Variants in SBNO2 observed in about 807,000 individuals in gnomAD.
The protein encoded by SBNO2 is strawberry notch homolog 2.
In SBNO2, 89 loss-of-function variants were observed where a neutral mutation model predicts 146.3. That is an observed-to-expected ratio of 0.61 (90% CI 0.51 to 0.73). The LOEUF (loss-of-function observed/expected upper bound fraction) is 0.73. SBNO2 is among the 30% of genes least tolerant of loss of function. The pLI is 0.00. For synonymous variants in SBNO2, 1,147 were observed against 892.6 expected (o/e 1.29, Z -5.08); for missense variants, 2,092 against 2,003.7 (o/e 1.04, Z -0.84).
intron 1 of SBNO2, among the ~76,000 whole-genome samples, chr19:1,166,187 ACTTCAGATCCCCGGAT>A (rs1451391675): frequency 1.6e-3 from 73 of 46,128 alleles, no homozygotes; most frequent in African/African-American, 5.5e-3. Flanking sequence ...CAGATCCCAG[ACTTCAGATCCCCGGAT>A]CCCCAGATCC....
Position 1,158,953 on chromosome 19 carries a change from G to A in SBNO2, c.-126-4551C>T, listed in dbSNP as rs1230672725. ...TGCAGCCGCGACCCCACCTGCAGCC[G>A]TGACCCCACTTGCAGCTGCAACCGC... On this transcript the variant is annotated intron_variant, in intron 1 of 31. Coordinates refer to ENST00000361757, the MANE Select transcript of SBNO2 (RefSeq NM_014963.3). This position sits in a 1 kb window ranked among gnomAD's most constrained non-coding sequence, Gnocchi z 9.9. 1.4e-5 allele frequency among the ~76,000 whole-genome samples: 2 copies of A among 142,912 alleles called. No individual in the cohort carries two copies. Among genetic ancestry groups the A allele is most frequent in the Admixed American group, 6.9e-5 (1 of 14,598 alleles). The allele number at this position is 142,912 out of a possible 152,430, so 93.8% of individuals were successfully genotyped here. A position where few individuals can be genotyped will look rare whatever the true frequency, so the allele number is the denominator to read the frequency against.
At chr19:1,124,079 G>C (rs1232610818) in intron 5 of SBNO2, 57 bp from the exon 6 acceptor site, 1 of 1,524,144 alleles carries the variant, frequency 6.6e-7, no homozygotes, top group Admixed American at 1.8e-5. Context: ...CAGCTGGTGG[G>C]CCCTCGCAGC....
chr19:1,152,854 G>A (rs2080255265), intron 2 of SBNO2, among the ~76,000 whole-genome samples: 1 of 152,166 alleles, frequency 6.6e-6, no homozygotes, highest in African/African-American at 2.4e-5. Flanking sequence ...TCTGTCTCCA[G>A]GTAAATCCCC....
chr19:1,109,586 G>C lies in SBNO2; in HGVS notation c.3136C>G (p.Arg1046Gly). 3 of 1,588,468 alleles carry C rather than the reference G, an allele frequency of 1.9e-6. No individual in the cohort carries two copies. The highest frequency in any genetic ancestry group is 2.6e-6 in the Non-Finnish European group (3 of 1,168,988). ...QVVFYKISVDRGLKWEDAFAK... is the reference protein window; with the variant it reads ...QVVFYKISVDGGLKWEDAFAK... ...AAGGCGTCCTCCCACTTCAGGCCGC[G>C]GTCCACGCTGATCTGCCACGGCACG... Residue 1046 changes from arginine (R) to glycine (G), a missense_variant, in exon 28 of 32, where the codon CGC (arginine) becomes GGC (glycine). Arg to Gly is a moderately radical substitution (Grantham distance 125). Coordinates refer to ENST00000361757, the MANE Select transcript of SBNO2 (RefSeq NM_014963.3). The surrounding 1 kb of genome is among the most constrained non-coding windows in gnomAD (Gnocchi z 4.2).
Position 1,109,202 on chromosome 19 carries a change from C to T in SBNO2, c.3358G>A (p.Glu1120Lys), listed in dbSNP as rs1327605878. 1.3e-6 allele frequency: 2 copies of T among 1,565,950 alleles called. No homozygotes were observed. Among genetic ancestry groups the T allele is most frequent in the Non-Finnish European group, 1.7e-6 (2 of 1,156,406 alleles). Residue 1120 changes from glutamate to lysine, a missense_variant, in exon 30 of 32, where the codon GAG becomes AAG. Coordinates refer to ENST00000361757, the MANE Select transcript of SBNO2 (RefSeq NM_014963.3). This position sits in a 1 kb window ranked among gnomAD's most constrained non-coding sequence, Gnocchi z 4.2. ...LRRKFHRVTA[E>K]EAKEPWESGY... ...CTCTCCCAGGGCTCCTTGGCCTCCT[C>T]CGCGGTGACCTAGGGACACAGGGCC...
chr19:1,119,821 A>T, intron 12 of SBNO2, 85 bp downstream of exon 12: 1 of 1,094,796 alleles, frequency 9.1e-7, no homozygotes, highest in South Asian at 1.4e-5. Flanking sequence ...GAGGCTGAGT[A>T]CGCGTGTGGG....
At chr19:1,113,483 ACCCACTGCCCATGCCCCG>A in intron 19 of SBNO2, 34 bp downstream of exon 19, 1 of 1,414,008 alleles carries the variant, frequency 7.1e-7, no homozygotes, top group Non-Finnish European at 9.6e-7. Flanking sequence ...GTGAAGCCCC[ACCCACTGCCCATGCCCCG>A]CCCACCACAC....
chr19:1,128,721 A>G, intron 4 of SBNO2, among the ~76,000 whole-genome samples: 1 of 150,992 alleles, frequency 6.6e-6, no homozygotes. Flanking sequence ...CTGTAATCCC[A>G]GCACTTGGAG....
At chr19:1,111,282 G>T (rs1349788350) in intron 24 of SBNO2, among the ~76,000 whole-genome samples, 189 bp from the exon 25 acceptor site, 1 of 152,200 alleles carries the variant, frequency 6.6e-6, no homozygotes, top group Admixed American at 6.5e-5. Context: ...TGTTCTTGGG[G>T]AGTAAACCCA....
rs184489449 is a variant in SBNO2 at position 1,122,287 on chromosome 19, G to A, written c.1006-5C>T. The A allele has an allele frequency of 6.4e-7, 1 of 1,556,786 alleles. No individual in the cohort carries two copies. Among genetic ancestry groups the A allele is most frequent in the East Asian group, 2.3e-5 (1 of 43,790 alleles). On this transcript the variant is annotated splice_region_variant and splice_polypyrimidine_tract_variant and intron_variant, in intron 10 of 31. Coordinates refer to ENST00000361757, the MANE Select transcript of SBNO2 (RefSeq NM_014963.3). ...AGTGGTGTCACCGTACTTGATCTGG[G>A]GATGCACAGAACAGGTGTGGAATGG...
Position 1,112,433 on chromosome 19 carries a change from C to G in SBNO2, c.2484G>C (p.Pro828=), listed in dbSNP as rs764952101. The part of the protein sequence containing the change: ...RRRVHMTLEL[P]WSADRAIQQF... ...GCTGGATGGCGCGGTCGGCGCTCCACGGCAGCTCCAAGGTCATGTGCACGC... is the reference window on the plus strand; with the variant it reads ...GCTGGATGGCGCGGTCGGCGCTCCAGGGCAGCTCCAAGGTCATGTGCACGC... Residue 828 remains proline, a synonymous_variant, in exon 21 of 32, where the codon CCG becomes CCC. Coordinates refer to ENST00000361757, the MANE Select transcript of SBNO2 (RefSeq NM_014963.3). This position sits in a 1 kb window ranked among gnomAD's most constrained non-coding sequence, Gnocchi z 5.9. 6.2e-7 allele frequency: 1 copy of G among 1,606,570 alleles called. No individual in the cohort carries two copies. The highest frequency in any genetic ancestry group is 2.2e-5 in the East Asian group (1 of 44,774).
At chr19:1,152,519 G>A (rs570585430) in intron 2 of SBNO2, among the ~76,000 whole-genome samples, 45 of 152,094 alleles carry the variant, frequency 3.0e-4, no homozygotes, top group African/African-American at 1.0e-3. Flanking sequence ...GAGGCTGACC[G>A]ACGGCCGGTA....
intron 1 of SBNO2, among the ~76,000 whole-genome samples, chr19:1,172,953 A>C (rs1013462250): frequency 4.6e-5 from 7 of 151,282 alleles, no homozygotes; most frequent in South Asian, 2.1e-4. Context: ...TTCCGGGAAG[A>C]AGCAGCCAGG....
intron 4 of SBNO2, among the ~76,000 whole-genome samples, chr19:1,133,697 T>G (rs572048552): frequency 2.0e-5 from 3 of 151,652 alleles, no homozygotes; most frequent in Admixed American, 2.0e-4. Flanking sequence ...AGCCGCTCAA[T>G]CCGGCAGCCA....
At chr19:1,153,785 A>G (rs943953556) in intron 2 of SBNO2, among the ~76,000 whole-genome samples, 1 of 151,962 alleles carries the variant, frequency 6.6e-6, no homozygotes, top group African/African-American at 2.4e-5. Context: ...TGATCTGCCC[A>G]CCTCCACCTC....
rs1258289786 is a variant in SBNO2 at position 1,150,526 on chromosome 19, A to G, written c.94-1084T>C. On this transcript the variant is annotated intron_variant, in intron 2 of 31. Coordinates refer to ENST00000361757, the MANE Select transcript of SBNO2 (RefSeq NM_014963.3). This position sits in a 1 kb window ranked among gnomAD's most constrained non-coding sequence, Gnocchi z 6.2. ...AGACCCTGCCGTCACGGACGCCCCC[A>G]CGGTCACGGGGGAGACCCTGCCGTC... Among the ~76,000 whole-genome samples the G allele has an allele frequency of 6.6e-6, 1 of 150,758 alleles. No homozygotes were observed. Among genetic ancestry groups the G allele is most frequent in the East Asian group, 2.0e-4 (1 of 5,114 alleles).
chr19:1,123,477 C>CCGAG, intron 7 of SBNO2, 57 bp downstream of exon 7: 1 of 1,463,556 alleles, frequency 6.8e-7, no homozygotes. Context: ...TGCAGGGTCT[C>CCGAG]GGTCCCACAA....
Position 1,108,342 on chromosome 19 carries a change from G to GC in SBNO2, c.3978dup (p.Pro1327AlafsTer45). On this transcript the variant is annotated frameshift_variant, in exon 32 of 32. Coordinates refer to ENST00000361757, the MANE Select transcript of SBNO2 (RefSeq NM_014963.3). LOFTEE classifies it low-confidence loss of function (END_TRUNC). ...TCCCCCAGCGCGCCCTCGGAGGGCGGCCCCGCGTGCAGCGAGCGCAGCATG... is the reference window on the plus strand; with the variant it reads ...TCCCCCAGCGCGCCCTCGGAGGGCGGCCCCCGCGTGCAGCGAGCGCAGCATG... 2 of 1,321,344 alleles carry GC rather than the reference G, an allele frequency of 1.5e-6. No homozygotes were observed. The highest frequency in any genetic ancestry group is 1.9e-6 in the Non-Finnish European group (2 of 1,032,424). The allele number at this position is 1,321,344 out of a possible 1,614,324, so 81.9% of individuals were successfully genotyped here.
chr19:1,147,233 G>A, intron 4 of SBNO2, 76 bp downstream of exon 4: 2 of 997,694 alleles, frequency 2.0e-6, no homozygotes, highest in Non-Finnish European at 3.0e-6. Flanking sequence ...GAGCGAGAGA[G>A]GTCGCAGGGC....
Sources: gnomAD v4.1 joint callset for allele counts (sites outside exome capture counted in the v4.1 genomes callset) on GRCh38, gnomAD v4.1.1 for gene constraint, Gnocchi (gnomAD v3.1) non-coding constraint, MANE v1.5 for transcripts, NCBI Gene and HGNC (gene_info 2026-07-23, HGNC 2026-07-21) for gene names.